Variants in SLC2A5 observed in about 807,000 individuals in gnomAD.
The protein encoded by SLC2A5 is solute carrier family 2 member 5.
SLC2A5 carries 56 observed loss-of-function variants against 50.3 expected under a neutral mutation model. The ratio of observed to expected loss-of-function variants is 1.11; its 90% CI spans 0.90 to 1.39. The LOEUF (loss-of-function observed/expected upper bound fraction) is 1.39. Among genes scored for constraint, SLC2A5 ranks in the 40% most tolerant of loss-of-function variants. The pLI is 0.00. For missense variants in SLC2A5, 566 were observed against 650.1 expected (o/e 0.87, Z 1.41); for synonymous variants, 269 against 281.9 (o/e 0.95, Z 0.46).
chr1:9,060,385 T>C (rs111067972), intron 1 of SLC2A5, among the ~76,000 whole-genome samples: 3,917 of 98,572 alleles, frequency 0.04, 128 homozygotes, highest in African/African-American at 0.097. Flanking sequence ...CACGCACACA[T>C]GCCCCCTACA....
chr1:9,062,437 T>C (rs902068769), intron 1 of SLC2A5, among the ~76,000 whole-genome samples: 5 of 152,034 alleles, frequency 3.3e-5, no homozygotes, highest in African/African-American at 9.7e-5. Context: ...ATTTGGCCAG[T>C]GTGGCTGGAG....
chr1:9,049,021 AT>A, intron 3 of SLC2A5: 1 of 397,718 alleles, frequency 2.5e-6, no homozygotes, highest in Non-Finnish European at 5.0e-6. Flanking sequence ...GATAAAGGAA[AT>A]CTACCTAAAA....
intron 1 of SLC2A5, among the ~76,000 whole-genome samples, chr1:9,065,723 C>A (rs1334860443): frequency 2.6e-5 from 4 of 152,106 alleles, no homozygotes; most frequent in African/African-American, 9.7e-5. Flanking sequence ...ATGGGCCTGG[C>A]CTGGTGGTCC....
intron 1 of SLC2A5, among the ~76,000 whole-genome samples, chr1:9,067,137 C>A (rs1047081869): frequency 5.9e-5 from 9 of 152,202 alleles, no homozygotes; most frequent in African/African-American, 2.2e-4. Flanking sequence ...CCTGCCCCCG[C>A]ATTTCTCCTT....
Position 9,068,229 on chromosome 1 carries a change from AAGT to A in SLC2A5, c.33+1272_33+1274del, listed in dbSNP as rs566024695. On this transcript the variant is annotated intron_variant, in intron 1 of 11. Coordinates refer to ENST00000377424, the MANE Select transcript of SLC2A5 (RefSeq NM_003039.3). Reference sequence around the variant, plus strand: ...AAAAAAGCGAGAGAGAGAGAAAGAAAAGTAGTAACATTTACGGGGAACTCACTC... The same window carrying A: ...AAAAAAGCGAGAGAGAGAGAAAGAAAAGTAACATTTACGGGGAACTCACTC... 4.7e-3 allele frequency among the ~76,000 whole-genome samples: 714 copies of A among 150,596 alleles called. 5 individuals are homozygous for A. The highest frequency in any genetic ancestry group is 7.8e-3 in the Non-Finnish European group (528 of 67,780).
Position 9,039,746 on chromosome 1 carries a change from C to T in SLC2A5, c.885+54G>A. 8 of 1,429,420 alleles carry T rather than the reference C, an allele frequency of 5.6e-6. No homozygotes were observed. The South Asian group carries it at 5.8e-5, about 10-fold the overall frequency. The allele number at this position is 1,429,420 out of a possible 1,614,324, so 88.5% of individuals were successfully genotyped here. Reference sequence around the variant, plus strand: ...CCCACGCCCGGCGCCCCAGGACCTGCGCCCCGCGCCCCCCGAGCCCTCCCC... The same window carrying T: ...CCCACGCCCGGCGCCCCAGGACCTGTGCCCCGCGCCCCCCGAGCCCTCCCC... On this transcript the variant is annotated intron_variant, in intron 7 of 11. Transcript: ENST00000377424.
intron 3 of SLC2A5, among the ~76,000 whole-genome samples, chr1:9,049,811 A>G (rs1353245205): frequency 6.6e-6 from 1 of 152,164 alleles, no homozygotes; most frequent in Non-Finnish European, 1.5e-5. Flanking sequence ...AGGAGCAAAG[A>G]GAACGCAATG....
intron 2 of SLC2A5, among the ~76,000 whole-genome samples, chr1:9,081,758 G>T (rs1642355640): frequency 6.6e-6 from 1 of 152,020 alleles, no homozygotes; most frequent in South Asian, 2.1e-4. Flanking sequence ...CATTAGGATG[G>T]CTATCATACT....
chr1:9,070,830 G>T (rs2124460609), upstream of SLC2A5, among the ~76,000 whole-genome samples: 1 of 152,068 alleles, frequency 6.6e-6, no homozygotes, highest in African/African-American at 2.4e-5. Context: ...CTAGCAGCGT[G>T]GCCGTCTGTG....
chr1:9,069,752 A>G, upstream of SLC2A5: 1 of 592,608 alleles, frequency 1.7e-6, no homozygotes, highest in East Asian at 2.9e-5. Context: ...TTGGCTAAGT[A>G]AGTGGGTGCC....
chr1:9,059,303 T>C (rs886521301), intron 1 of SLC2A5, among the ~76,000 whole-genome samples: 13 of 151,664 alleles, frequency 8.6e-5, no homozygotes, highest in East Asian at 7.8e-4. Flanking sequence ...CCACCACGCC[T>C]GGCTAATTTT....
At chr1:9,049,104 G>A (rs1557667467) in intron 3 of SLC2A5, 2 of 456,062 alleles carry the variant, frequency 4.4e-6, no homozygotes, top group Non-Finnish European at 8.8e-6. Flanking sequence ...GCCTACCCTG[G>A]AGATCCTGAC....
chr1:9,088,188 TG>T (rs1642422787), intron 1 of SLC2A5, among the ~76,000 whole-genome samples: 1 of 151,818 alleles, frequency 6.6e-6, no homozygotes, highest in South Asian at 2.1e-4. Context: ...AAATCCTCCC[TG>T]GGTTTTTCCT....
rs1641247512 is a variant in SLC2A5 at position 9,039,783 on chromosome 1, C to G, written c.885+17G>C. The G allele has an allele frequency of 6.6e-7, 1 of 1,509,796 alleles. No homozygotes were observed. Among genetic ancestry groups the G allele is most frequent in the African/African-American group, 1.4e-5 (1 of 70,228 alleles). The allele number at this position is 1,509,796 out of a possible 1,614,324, so 93.5% of individuals were successfully genotyped here. The stretch of plus-strand genomic sequence containing the variant: ...CCCGAGCCCTCCCCAGCTCCCGAGC[C>G]GCAGCCCGGCCCATACAGCGTTGAC... On this transcript the variant is annotated intron_variant, in intron 7 of 11. Transcript: ENST00000377424.
rs546123607 is a variant in SLC2A5 at position 9,085,388 on chromosome 1, A to G, written c.-187-246T>C. Among the ~76,000 whole-genome samples the G allele has an allele frequency of 3.3e-5, 5 of 152,336 alleles. No homozygotes were observed. In the South Asian group the frequency reaches 8.3e-4, roughly 25 times the overall value. ...GTGGGGGAGGGTTCTTCCAGGCTAT[A>G]GGTAAATTTAGACACTTTCTGGTTG... On this transcript the variant is annotated intron_variant, in intron 1 of 5. Transcript: ENST00000464985.
intron 2 of SLC2A5, among the ~76,000 whole-genome samples, chr1:9,081,530 GTA>G (rs1289114801): frequency 6.8e-6 from 1 of 147,272 alleles, no homozygotes; most frequent in Non-Finnish European, 1.5e-5. Context: ...TTTGCAAATC[GTA>G]TATCTTATAA....
chr1:9,078,575 G>A (rs928656478), intron 2 of SLC2A5, among the ~76,000 whole-genome samples: 5 of 152,154 alleles, frequency 3.3e-5, no homozygotes, highest in African/African-American at 1.2e-4. Flanking sequence ...AGAACCACTT[G>A]TATCCCCAAA....
chr1:9,038,864 T>C lies in SLC2A5; in HGVS notation c.1062A>G (p.Ile354Met), dbSNP rs1641213871. ...LLLLGFSICLIACCVLTAALA... is the reference protein window; with the variant it reads ...LLLLGFSICLMACCVLTAALA... ...GAGCTGCAGTGAGCACGCAGCAGGC[T>C]ATGAGGCAGATGGAGAAGCCCAGCA... Residue 354 changes from isoleucine to methionine, a missense_variant, in exon 9 of 12, where the codon ATA becomes ATG. Coordinates refer to ENST00000377424, the MANE Select transcript of SLC2A5 (RefSeq NM_003039.3). 6 of 1,612,696 alleles carry C rather than the reference T, an allele frequency of 3.7e-6. No homozygotes were observed. The highest frequency in any genetic ancestry group is 4.2e-6 in the Non-Finnish European group (5 of 1,179,854).
intron 3 of SLC2A5, among the ~76,000 whole-genome samples, chr1:9,052,279 G>A (rs927145418): frequency 3.3e-5 from 5 of 151,688 alleles, no homozygotes; most frequent in South Asian, 2.1e-4. Flanking sequence ...GCGAGACTCC[G>A]TCTCAAAAAA....
Sources: gnomAD v4.1 joint callset for allele counts (sites outside exome capture counted in the v4.1 genomes callset) on GRCh38, gnomAD v4.1.1 for gene constraint, MANE v1.5 for transcripts, NCBI Gene and HGNC (gene_info 2026-07-23, HGNC 2026-07-21) for gene names.